Variants in WASF2 observed in about 807,000 individuals in gnomAD.
The protein encoded by WASF2 is actin-binding protein WASF2.
A neutral mutation model predicts 45.0 loss-of-function variants in WASF2; 14 were observed. That is an observed-to-expected ratio of 0.31 (90% confidence interval 0.21 to 0.49). The LOEUF (loss-of-function observed/expected upper bound fraction) is 0.49, where lower values mean the gene tolerates loss of function less well. Ranked by LOEUF, WASF2 falls within the 20% of genes least tolerant of loss-of-function variation. The pLI, the probability that WASF2 is intolerant of heterozygous loss-of-function variation, is 0.99. For synonymous variants in WASF2, 200 were observed against 236.3 expected (o/e 0.85, Z 1.41); for missense variants, 439 against 636.1 (o/e 0.69, Z 3.33).
chr1:27,481,165 G>A (rs1205887180), intron 1 of WASF2, among the ~76,000 whole-genome samples: 33 of 150,536 alleles, frequency 2.2e-4, no homozygotes, highest in East Asian at 5.9e-4. Context: ...TTAGCCAGGC[G>A]TGGTGGCACG....
intron 1 of WASF2, among the ~76,000 whole-genome samples, chr1:27,486,743 G>A (rs2017932286): frequency 6.6e-6 from 1 of 151,942 alleles, no homozygotes; most frequent in Non-Finnish European, 1.5e-5. Context: ...GGCCAACATG[G>A]CAAAACCCTA....
chr1:27,416,332 T>C (rs2016825473), intron 4 of WASF2, among the ~76,000 whole-genome samples: 1 of 152,206 alleles, frequency 6.6e-6, no homozygotes, highest in African/African-American at 2.4e-5. Context: ...TCCTGGTAGA[T>C]GAATTTGCAT....
intron 1 of WASF2, among the ~76,000 whole-genome samples, chr1:27,465,105 T>A (rs926885091): frequency 6.6e-6 from 1 of 152,236 alleles, no homozygotes; most frequent in African/African-American, 2.4e-5. Context: ...CTGCCAGATG[T>A]CTGACTTTCA....
intron 1 of WASF2, among the ~76,000 whole-genome samples, chr1:27,482,638 G>A (rs1214259599): frequency 6.6e-6 from 1 of 152,128 alleles, no homozygotes; most frequent in East Asian, 1.9e-4. Flanking sequence ...TCAGCTATCT[G>A]TCCTGCTCTA....
chr1:27,435,550 G>A (rs2017125815), intron 1 of WASF2, among the ~76,000 whole-genome samples: 1 of 141,922 alleles, frequency 7.0e-6, no homozygotes, highest in South Asian at 2.3e-4. Flanking sequence ...TTGTGCCACT[G>A]CACTCCAGTC....
At chr1:27,487,831 T>C (rs183277001) in intron 1 of WASF2, among the ~76,000 whole-genome samples, 8 of 144,840 alleles carry the variant, frequency 5.5e-5, no homozygotes, top group Non-Finnish European at 7.5e-5. Context: ...ACCAAATTAG[T>C]AATATGCTGA....
chr1:27,486,665 T>C (rs1440208498), intron 1 of WASF2, among the ~76,000 whole-genome samples: 1 of 152,154 alleles, frequency 6.6e-6, no homozygotes, highest in African/African-American at 2.4e-5. Context: ...GGCTCACGCC[T>C]GTAATCCCAG....
intron 1 of WASF2, among the ~76,000 whole-genome samples, chr1:27,463,355 T>A (rs1221306029): frequency 2.0e-5 from 3 of 151,900 alleles, no homozygotes; most frequent in Non-Finnish European, 4.4e-5. Context: ...ACTGGCCGGA[T>A]GCGGTGACAC....
At chr1:27,442,289 T>C (rs1042606139) in intron 1 of WASF2, among the ~76,000 whole-genome samples, 1 of 152,212 alleles carries the variant, frequency 6.6e-6, no homozygotes, top group Non-Finnish European at 1.5e-5. Flanking sequence ...CTCACACCTG[T>C]AATCTCAGGA....
chr1:27,483,257 G>A lies in WASF2; in HGVS notation c.-44+6729C>T, dbSNP rs184062503. On this transcript the variant is annotated intron_variant, in intron 1 of 8. Transcript: ENST00000618852. ...GGCTGAGGCGGGTAGATCACCTGAGGTCAGGAGTTTTAGACCAGCCTGACC... is the reference window on the plus strand; with the variant it reads ...GGCTGAGGCGGGTAGATCACCTGAGATCAGGAGTTTTAGACCAGCCTGACC... Among the ~76,000 whole-genome samples the A allele has an allele frequency of 2.6e-3, 399 of 152,062 alleles. 2 individuals are homozygous for A. The highest frequency in any genetic ancestry group is 9.2e-3 in the African/African-American group (383 of 41,454).
chr1:27,431,240 C>T (rs1402686801), intron 1 of WASF2, among the ~76,000 whole-genome samples: 1 of 152,222 alleles, frequency 6.6e-6, no homozygotes, highest in Non-Finnish European at 1.5e-5. Flanking sequence ...TTCCATTCCA[C>T]TTCTCTGCTG....
intron 1 of WASF2, among the ~76,000 whole-genome samples, chr1:27,446,392 T>C (rs1384139229): frequency 6.6e-6 from 1 of 152,170 alleles, no homozygotes; most frequent in Non-Finnish European, 1.5e-5. Flanking sequence ...TGTTAAAGGG[T>C]CTGTTTTAAA....
At chr1:27,487,191 C>T (rs993978857) in intron 1 of WASF2, among the ~76,000 whole-genome samples, 2 of 145,996 alleles carry the variant, frequency 1.4e-5, no homozygotes, top group East Asian at 2.0e-4. Flanking sequence ...AACTCCGCCT[C>T]CCGGGTTCAC....
intron 3 of WASF2, among the ~76,000 whole-genome samples, chr1:27,418,644 G>GGCCT (rs2016859473): frequency 6.6e-6 from 1 of 152,140 alleles, no homozygotes; most frequent in African/African-American, 2.4e-5. Flanking sequence ...TTTACTATGT[G>GGCCT]GCCAGATCTA....
chr1:27,463,824 C>CA (rs2017581094), intron 1 of WASF2, among the ~76,000 whole-genome samples: 1 of 144,360 alleles, frequency 6.9e-6, no homozygotes, highest in Admixed American at 7.0e-5. Flanking sequence ...TTTTTTGAGA[C>CA]AGAGTTTCAC....
intron 1 of WASF2, among the ~76,000 whole-genome samples, chr1:27,435,143 C>T (rs920466593): frequency 6.6e-6 from 1 of 152,104 alleles, no homozygotes; most frequent in Admixed American, 6.6e-5. Context: ...GATGGGGTTT[C>T]TCCATGTTGG....
intron 1 of WASF2, among the ~76,000 whole-genome samples, chr1:27,474,782 T>TAAAAATA (rs1395651945): frequency 2.0e-5 from 3 of 148,242 alleles, no homozygotes; most frequent in African/African-American, 7.5e-5. Context: ...AAAAAAAAAA[T>TAAAAATA]AAAAATAAAA....
chr1:27,447,585 T>C (rs2017327392), intron 1 of WASF2, among the ~76,000 whole-genome samples: 1 of 152,220 alleles, frequency 6.6e-6, no homozygotes, highest in Non-Finnish European at 1.5e-5. Context: ...TGGAAAGTTA[T>C]TTTGTGGTCC....
intron 1 of WASF2, among the ~76,000 whole-genome samples, chr1:27,431,961 T>G (rs952032578): frequency 8.5e-5 from 13 of 152,188 alleles, no homozygotes; most frequent in Non-Finnish European, 1.9e-4. Flanking sequence ...TCTGCTATCG[T>G]TTAAAGTGAT....
Sources: allele counts gnomAD v4.1 joint callset (sites outside exome capture counted in the v4.1 genomes callset), GRCh38; gene constraint gnomAD v4.1.1; transcripts MANE v1.5; gene names NCBI Gene and HGNC (gene_info 2026-07-23, HGNC 2026-07-21).